DTL: variants seen among roughly 807,000 people sequenced by gnomAD.
The protein encoded by DTL is denticleless protein homolog.
Under a neutral mutation model 87.0 loss-of-function variants are expected in DTL, and 46 were observed. The observed-to-expected ratio is 0.53, with a 90% CI of 0.42 to 0.68. The LOEUF (loss-of-function observed/expected upper bound fraction) is 0.68, where lower values mean the gene tolerates loss of function less well. Among genes scored for constraint, DTL ranks in the 30% least tolerant of loss-of-function variants. The pLI is 0.00. For missense variants in DTL, 737 were observed against 869.4 expected, an observed-to-expected ratio of 0.85 and a Z score of 1.91; for synonymous variants, 308 against 311.2, an observed-to-expected ratio of 0.99 and a Z score of 0.11.
Position 212,100,253 on chromosome 1 carries a change from A to T in DTL, c.1263A>T (p.Val421=). Residue 421 remains valine, a splice_region_variant and synonymous_variant, in exon 14 of 15, where the codon GTA becomes GTT. Coordinates refer to ENST00000366991, the MANE Select transcript of DTL (RefSeq NM_016448.4). ...TCATGATCCTCTCCTCTTTTTCAGT[A>T]ACAGTAACGAGTAGCCAGAGTACTC... is the stretch of plus-strand genomic sequence containing the variant. ...QKKKESRPGL[V]TVTSSQSTPA... The T allele has an allele frequency of 6.5e-7, 1 of 1,531,414 alleles. No individual in the cohort carries two copies. The highest frequency in any genetic ancestry group is 1.4e-5 in the African/African-American group (1 of 71,908). The allele number at this position is 1,531,414 out of a possible 1,614,324, so 94.9% of individuals were successfully genotyped here.
chr1:212,102,348 C>G (rs1655648202), intron 14 of DTL, among the ~76,000 whole-genome samples: 1 of 151,962 alleles, frequency 6.6e-6, no homozygotes, highest in Admixed American at 6.6e-5. Flanking sequence ...CAATGAAAAA[C>G]TATTTTCACT....
intron 5 of DTL, among the ~76,000 whole-genome samples, chr1:212,054,310 C>G (rs1668093975): frequency 1.3e-5 from 2 of 151,440 alleles, no homozygotes; most frequent in Admixed American, 1.3e-4. Context: ...TTTCCTTGTT[C>G]TTCTGGCTTG....
intron 10 of DTL, among the ~76,000 whole-genome samples, chr1:212,071,900 T>C (rs1476749546): frequency 6.6e-6 from 1 of 152,230 alleles, no homozygotes; most frequent in African/African-American, 2.4e-5. Flanking sequence ...GTTCATGAGA[T>C]TGGATCTAAT....
chr1:212,040,490 A>G (rs1369706872), intron 1 of DTL, among the ~76,000 whole-genome samples: 1 of 152,238 alleles, frequency 6.6e-6, no homozygotes, highest in Non-Finnish European at 1.5e-5. Flanking sequence ...AACAATTATA[A>G]CGATATTCTG....
At chr1:212,072,507 G>A (rs1221229881) in intron 11 of DTL, among the ~76,000 whole-genome samples, 1 of 152,078 alleles carries the variant, frequency 6.6e-6, no homozygotes, top group Non-Finnish European at 1.5e-5. Context: ...ACTTTGTCCT[G>A]CATCCTGGAA....
chr1:212,042,141 TTAC>T (rs1372017728), intron 1 of DTL, among the ~76,000 whole-genome samples: 1 of 152,210 alleles, frequency 6.6e-6, no homozygotes, highest in Non-Finnish European at 1.5e-5. Flanking sequence ...TTTTCAGTAA[TTAC>T]TTGTTGAATG....
chr1:212,100,372 C>G lies in DTL; in HGVS notation c.1382C>G (p.Pro461Arg). The G allele has an allele frequency of 6.2e-7, 1 of 1,613,980 alleles. No individual in the cohort carries two copies. Among genetic ancestry groups the G allele is most frequent in the Non-Finnish European group, 8.5e-7 (1 of 1,179,962 alleles). ...APSCAGDLPL[P>R]SNTPTFSIKT... ...AGCTGTGCTGGAGACCTCCCTCTTC[C>G]TTCAAATACTCCTACGTTCTCTATT... The change falls in exon 14 of 15, where the codon CCT (proline) becomes CGT (arginine). Residue 461 changes from proline to arginine, a missense_variant. Pro to Arg is a moderately radical substitution (Grantham distance 103, BLOSUM62 -2). Coordinates refer to ENST00000366991, the MANE Select transcript of DTL (RefSeq NM_016448.4).
Position 212,062,967 on chromosome 1 carries a change from T to G in DTL, c.526+18T>G, listed in dbSNP as rs778418627. On this transcript the variant is annotated intron_variant, in intron 6 of 14. Coordinates refer to ENST00000366991, the MANE Select transcript of DTL (RefSeq NM_016448.4). ...CAAAAAAGGTTATCTAGATCTATTTTAATTTTGAGAGATTTGGGATTACCC... is the reference window on the plus strand; with the variant it reads ...CAAAAAAGGTTATCTAGATCTATTTGAATTTTGAGAGATTTGGGATTACCC... The G allele has an allele frequency of 1.9e-6, 3 of 1,591,826 alleles. No individual in the cohort carries two copies. The highest frequency in any genetic ancestry group is 2.6e-6 in the Non-Finnish European group (3 of 1,159,786).
In DTL at chr1:212,063,714, G is replaced by A. The variant is rs971049588; in HGVS notation, c.526+765G>A. ...TTTATTAAAATTTTTTTTTGTGTCT[G>A]CATTTTAAAAAATTGGTAACATAGT... On this transcript the variant is annotated intron_variant, in intron 6 of 14. Coordinates refer to ENST00000366991, the MANE Select transcript of DTL (RefSeq NM_016448.4). Among the ~76,000 whole-genome samples, 11 of 152,068 alleles carry A rather than the reference G, an allele frequency of 7.2e-5. No individual in the cohort carries two copies. In the East Asian group the frequency reaches 2.1e-3, roughly 29 times the overall value.
At chr1:212,043,842 A>AG (rs1667730108) in intron 2 of DTL, among the ~76,000 whole-genome samples, 2 of 151,076 alleles carry the variant, frequency 1.3e-5, no homozygotes, top group African/African-American at 4.8e-5. Context: ...AAAAAAAAAA[A>AG]AAAAGAAATA....
intron 1 of DTL, among the ~76,000 whole-genome samples, chr1:212,041,506 G>GC (rs1403146988): frequency 8.3e-6 from 1 of 120,212 alleles, no homozygotes; most frequent in Non-Finnish European, 1.7e-5. Context: ...TGCATTTTTG[G>GC]CGGGGGGGTG....
At chr1:212,050,676 C>T (rs1252976593) in intron 5 of DTL, among the ~76,000 whole-genome samples, 1 of 152,086 alleles carries the variant, frequency 6.6e-6, no homozygotes, top group African/African-American at 2.4e-5. Flanking sequence ...CCCCACTACC[C>T]TGTATCTTCA....
chr1:212,067,634 G>T (rs1229335473), intron 8 of DTL, among the ~76,000 whole-genome samples: 2 of 152,094 alleles, frequency 1.3e-5, no homozygotes, highest in Non-Finnish European at 2.9e-5. Flanking sequence ...TTATCTAAAG[G>T]TTATTAGTTC....
At chr1:212,072,073 A>G in intron 10 of DTL, 28 bp from the exon 11 acceptor site, 1 of 1,525,378 alleles carries the variant, frequency 6.6e-7, no homozygotes, top group Non-Finnish European at 9.1e-7. Flanking sequence ...AACAAGAGCC[A>G]AGTAATTTGG....
chr1:212,077,793 C>T (rs771438516), intron 11 of DTL: 6 of 161,940 alleles, frequency 3.7e-5, no homozygotes, highest in Non-Finnish European at 5.4e-5. Context: ...ACTGAGTTGT[C>T]GAGTTGACTA....
Position 212,100,331 on chromosome 1 carries a change from C to T in DTL, c.1341C>T (p.Ser447=), listed in dbSNP as rs760332810. 1.3e-5 allele frequency: 21 copies of T among 1,613,254 alleles called. No homozygotes were observed. Among genetic ancestry groups the T allele is most frequent in the Middle Eastern group, 3.3e-4 (2 of 6,078 alleles). Residue 447 remains serine, a synonymous_variant, in exon 14 of 15, where the codon TCC becomes TCT. Transcript: ENST00000366991. ...KCNPSNSSPS[S]AACAPSCAGD... ...ATCCATCCAATTCTTCCCCGTCATC[C>T]GCAGCTTGTGCCCCAAGCTGTGCTG...
intron 5 of DTL, chr1:212,052,114 A>G (rs1423103033): frequency 2.9e-6 from 2 of 696,244 alleles, no homozygotes; most frequent in Non-Finnish European, 5.2e-6. Flanking sequence ...TTCCACTATC[A>G]TCTCTGCTTT....
chr1:212,059,901 G>T (rs1217100367), intron 5 of DTL, among the ~76,000 whole-genome samples: 1 of 150,870 alleles, frequency 6.6e-6, no homozygotes, highest in African/African-American at 2.4e-5. Context: ...AGCTGAGAGA[G>T]AAATCAGGAA....
intron 1 of DTL, 142 bp from the exon 2 acceptor site, chr1:212,042,851 G>A: frequency 1.4e-6 from 1 of 710,124 alleles, no homozygotes; most frequent in Admixed American, 3.7e-5. Flanking sequence ...AACAGAAATG[G>A]TGTCTTCCAT....
Sources: allele counts gnomAD v4.1 joint callset (sites outside exome capture counted in the v4.1 genomes callset), GRCh38; gene constraint gnomAD v4.1.1; transcripts MANE v1.5; gene names NCBI Gene and HGNC (gene_info 2026-07-23, HGNC 2026-07-21).